The following HIVEP3 variants were observed in gnomAD, a reference collection of about 807,000 sequenced individuals.
HIVEP3 encodes HIVEP zinc finger 3.
HIVEP3 carries 49 observed loss-of-function variants against 152.8 expected under a neutral mutation model. The ratio of observed to expected loss-of-function variants is 0.32; its 90% CI spans 0.26 to 0.41. The LOEUF (loss-of-function observed/expected upper bound fraction) is 0.41. HIVEP3 is among the 10% of genes least tolerant of loss of function. The pLI, the probability that HIVEP3 is intolerant of heterozygous loss-of-function variation, is 1.00. For missense variants in HIVEP3, 2,790 were observed against 3,103.3 expected, an observed-to-expected ratio of 0.90 and a Z score of 2.40; for synonymous variants, 1,269 against 1,289.0, an observed-to-expected ratio of 0.98 and a Z score of 0.33.
chr1:41,752,690 A>G (rs1647185751), intron 1 of HIVEP3, among the ~76,000 whole-genome samples: 1 of 152,246 alleles, frequency 6.6e-6, no homozygotes, highest in Non-Finnish European at 1.5e-5. Context: ...TGTTTGAACA[A>G]GCCCAGGCCC....
Position 41,780,269 on chromosome 1 carries a change from T to A in HIVEP3, c.-800-79274A>T, listed in dbSNP as rs565072519. Among the ~76,000 whole-genome samples the A allele has an allele frequency of 1.7e-3, 22 of 12,840 alleles. No homozygotes were observed. In the East Asian group the frequency reaches 0.044, roughly 26 times the overall value. The allele number at this position is 12,840 out of a possible 152,430, so 8.4% of individuals were successfully genotyped here. A position where few individuals can be genotyped will look rare whatever the true frequency, so the allele number is the denominator to read the frequency against. On this transcript the variant is annotated intron_variant, in intron 1 of 8. Coordinates refer to ENST00000372583, the MANE Select transcript of HIVEP3 (RefSeq NM_024503.5). ...GGCCAGTCGTGGGATTTGTGGGGCGTGGGGGTGGGGCCTTGGCCACTCTGC... is the reference window on the plus strand; with the variant it reads ...GGCCAGTCGTGGGATTTGTGGGGCGAGGGGGTGGGGCCTTGGCCACTCTGC...
rs571774533 is a variant in HIVEP3, at chr1:41,567,571, G to A, written c.5207+7973C>T. On this transcript the variant is annotated intron_variant, in intron 5 of 8. Coordinates refer to ENST00000372583, the MANE Select transcript of HIVEP3 (RefSeq NM_024503.5). Reference sequence around the variant, plus strand: ...AGAGAGCAAGGTGCTGGGCCTCAGGGATAAGGCAGGGCCCTGATAGCCTAG... The same window carrying A: ...AGAGAGCAAGGTGCTGGGCCTCAGGAATAAGGCAGGGCCCTGATAGCCTAG... 2.0e-5 allele frequency among the ~76,000 whole-genome samples: 3 copies of A among 152,328 alleles called. No individual in the cohort carries two copies. In the South Asian group the frequency reaches 6.2e-4, roughly 32 times the overall value.
intron 1 of HIVEP3, among the ~76,000 whole-genome samples, chr1:41,976,953 C>CATA (rs1645262764): frequency 6.6e-6 from 1 of 152,248 alleles, no homozygotes; most frequent in Non-Finnish European, 1.5e-5. Context: ...CAACCATACA[C>CATA]TGCTGTTGTT....
At chr1:41,934,152 C>T (rs1456340162) in intron 1 of HIVEP3, among the ~76,000 whole-genome samples, 6 of 152,134 alleles carry the variant, frequency 3.9e-5, no homozygotes, top group Admixed American at 3.9e-4. Context: ...GGGAGATTTT[C>T]TGTAGACTCT....
intron 1 of HIVEP3, among the ~76,000 whole-genome samples, chr1:41,908,664 A>G (rs1434614408): frequency 6.6e-6 from 1 of 152,178 alleles, no homozygotes; most frequent in Non-Finnish European, 1.5e-5. Context: ...TATATAGCCA[A>G]CTCTACTGAA....
At chr1:41,600,612 A>G (rs1364803313) in intron 3 of HIVEP3, among the ~76,000 whole-genome samples, 2 of 152,226 alleles carry the variant, frequency 1.3e-5, no homozygotes, top group Non-Finnish European at 2.9e-5. Context: ...ATGAAAAGTA[A>G]TCTAGAGATT....
chr1:41,976,242 C>G (rs1411411553), intron 1 of HIVEP3, among the ~76,000 whole-genome samples: 2 of 152,188 alleles, frequency 1.3e-5, no homozygotes, highest in African/African-American at 4.8e-5. Flanking sequence ...ACGTTTGTGG[C>G]GTCATTCATT....
upstream of HIVEP3, among the ~76,000 whole-genome samples, chr1:41,920,025 T>C (rs1644927995): frequency 6.6e-6 from 1 of 152,136 alleles, no homozygotes; most frequent in Admixed American, 6.5e-5. Context: ...CTCCCTTGCC[T>C]AGTCCTGCCA....
chr1:41,755,697 A>G (rs1041792548), intron 1 of HIVEP3, among the ~76,000 whole-genome samples: 2 of 152,264 alleles, frequency 1.3e-5, no homozygotes, highest in African/African-American at 4.8e-5. Flanking sequence ...GAGGATATAC[A>G]GATGGCAAAT....
chr1:41,785,224 T>C (rs954996717), intron 1 of HIVEP3, among the ~76,000 whole-genome samples: 7 of 152,192 alleles, frequency 4.6e-5, no homozygotes, highest in Non-Finnish European at 1.0e-4. Context: ...TTCTCTTTTC[T>C]CTTATTTCCA....
chr1:41,658,887 CA>C (rs1464938537), intron 2 of HIVEP3, among the ~76,000 whole-genome samples: 1 of 152,218 alleles, frequency 6.6e-6, no homozygotes, highest in Non-Finnish European at 1.5e-5. Context: ...AAACCTCCTG[CA>C]AACAGAGCAT....
In HIVEP3 at chr1:41,581,417, G is replaced by A. The variant is rs757526032; in HGVS notation, c.3381C>T (p.Pro1127=). ...YTEALQVFHH[P]VAQTPLHEKP... is the part of the protein sequence containing the mutation. ...TCTCATGCAGGGGTGTCTGGGCAAC[G>A]GGGTGGTGGAACACTTGCAGTGCTT... Residue 1127 remains proline (P), a synonymous_variant, in exon 4 of 9, where the codon CCC becomes CCT. Coordinates refer to ENST00000372583, the MANE Select transcript of HIVEP3 (RefSeq NM_024503.5). This position sits in a 1 kb window ranked among gnomAD's most constrained non-coding sequence, Gnocchi z 4.5. 15 of 1,599,480 alleles carry A rather than the reference G, an allele frequency of 9.4e-6. No homozygotes were observed. Among genetic ancestry groups the A allele is most frequent in the Admixed American group, 3.4e-5 (2 of 58,892 alleles).
intron 1 of HIVEP3, among the ~76,000 whole-genome samples, chr1:41,749,200 G>A (rs1647118269): frequency 6.6e-6 from 1 of 152,190 alleles, no homozygotes; most frequent in Admixed American, 6.5e-5. Context: ...TGTAAAAAGA[G>A]GTTTGTTTGA....
At chr1:41,862,007 G>T (rs1475804427) in intron 1 of HIVEP3, among the ~76,000 whole-genome samples, 2 of 152,140 alleles carry the variant, frequency 1.3e-5, no homozygotes, top group Non-Finnish European at 2.9e-5. Context: ...GGCGGATGAA[G>T]GATGAGTCAG....
rs149380243 is a variant in HIVEP3 at position 41,582,179 on chromosome 1, C to A, written c.2619G>T (p.Pro873=). The change falls in exon 4 of 9, where the codon CCG becomes CCT. Residue 873 remains proline (P), a synonymous_variant. Coordinates refer to ENST00000372583, the MANE Select transcript of HIVEP3 (RefSeq NM_024503.5). The surrounding 1 kb of genome is among the most constrained non-coding windows in gnomAD (Gnocchi z 4.7). ...EPDRPDTEPE[P]PPKEPEKTEE... ...CAGTCTTCTCAGGTTCCTTAGGGGG[C>A]GGCTCTGGCTCTGTGTCCGGCCGGT... 609 of 1,613,922 alleles carry A rather than the reference C, an allele frequency of 3.8e-4. 5 individuals are homozygous for A. The South Asian group carries it at 4.9e-3, about 13-fold the overall frequency.
rs568161586 is a variant in HIVEP3 at position 41,750,895 on chromosome 1, G to C, written c.-800-49900C>G. ...ACGCCTGGCTAATTTTGTATTTTTAGTAGTGATGGGGTTTCACCATGTTGG... is the reference window on the plus strand; with the variant it reads ...ACGCCTGGCTAATTTTGTATTTTTACTAGTGATGGGGTTTCACCATGTTGG... On this transcript the variant is annotated intron_variant, in intron 1 of 8. Transcript: ENST00000372583. Among the ~76,000 whole-genome samples the C allele has an allele frequency of 1.9e-3, 291 of 152,166 alleles. 2 individuals carry two copies. The highest frequency in any genetic ancestry group is 6.5e-3 in the African/African-American group (269 of 41,494).
intron 7 of HIVEP3, among the ~76,000 whole-genome samples, chr1:41,514,231 C>G (rs1388121015): frequency 6.6e-6 from 1 of 152,190 alleles, no homozygotes; most frequent in African/African-American, 2.4e-5. Flanking sequence ...CCTTGCTCTG[C>G]TTGGTCTCCC....
At chr1:41,524,345 A>T (rs765254283) in intron 6 of HIVEP3, among the ~76,000 whole-genome samples, 2 of 152,192 alleles carry the variant, frequency 1.3e-5, no homozygotes, top group Non-Finnish European at 2.9e-5. Flanking sequence ...CAAGAGTGGC[A>T]GTGACGAGCA....
intron 3 of HIVEP3, among the ~76,000 whole-genome samples, chr1:41,613,348 G>C (rs142595700): frequency 1.3e-5 from 2 of 152,202 alleles, no homozygotes; most frequent in Non-Finnish European, 2.9e-5. Flanking sequence ...GGCGGGTCTC[G>C]TGACATTTTA....
Sources: gnomAD v4.1 joint callset for allele counts (sites outside exome capture counted in the v4.1 genomes callset) on GRCh38, gnomAD v4.1.1 for gene constraint, Gnocchi (gnomAD v3.1) non-coding constraint, MANE v1.5 for transcripts, NCBI Gene and HGNC (gene_info 2026-07-23, HGNC 2026-07-21) for gene names.